Variants in MYCBP2 observed in about 807,000 individuals in gnomAD.
MYCBP2 encodes E3 ubiquitin-protein ligase MYCBP2.
Under a neutral mutation model 525.3 loss-of-function variants are expected in MYCBP2, and 120 were observed. The ratio of observed to expected loss-of-function variants is 0.23; its 90% confidence interval spans 0.20 to 0.27. The LOEUF (loss-of-function observed/expected upper bound fraction) is 0.27, where lower values mean the gene tolerates loss of function less well. Ranked by LOEUF, MYCBP2 falls within the 10% of genes least tolerant of loss-of-function variation. MYCBP2 has a pLI of 1.00. For synonymous variants in MYCBP2, 1,894 were observed against 1,955.8 expected, an observed-to-expected ratio of 0.97 and a Z score of 0.83; for missense variants, 4,149 against 5,657.1, an observed-to-expected ratio of 0.73 and a Z score of 8.55.
chr13:77,163,845 C>A (rs777372064), intron 43 of MYCBP2, among the ~76,000 whole-genome samples: 29 of 152,318 alleles, frequency 1.9e-4, no homozygotes, highest in Non-Finnish European at 4.0e-4. Context: ...CTTCTCAGAG[C>A]ATGCAAAAAT....
intron 54 of MYCBP2, among the ~76,000 whole-genome samples, chr13:77,124,270 G>A (rs1850307542): frequency 6.6e-6 from 1 of 152,118 alleles, no homozygotes; most frequent in Admixed American, 6.5e-5. Flanking sequence ...TACCTCAAAG[G>A]TGTGTTGTGG....
intron 8 of MYCBP2, 29 bp from the exon 9 acceptor site, chr13:77,264,031 CA>C (rs749831996): frequency 7.6e-6 from 12 of 1,579,272 alleles, no homozygotes; most frequent in Non-Finnish European, 1.0e-5. Flanking sequence ...ATTTATATTA[CA>C]ATACAAGCAA....
At chr13:77,187,545 T>C (rs997794394) in intron 30 of MYCBP2, among the ~76,000 whole-genome samples, 12 of 152,134 alleles carry the variant, frequency 7.9e-5, no homozygotes, top group Non-Finnish European at 1.6e-4. Flanking sequence ...GGTTCTTTGA[T>C]AGATATCAGA....
intron 21 of MYCBP2, among the ~76,000 whole-genome samples, chr13:77,212,798 A>C (rs962298402): frequency 3.3e-5 from 5 of 152,208 alleles, no homozygotes; most frequent in African/African-American, 1.2e-4. Context: ...TGGTCAGGTA[A>C]GAGTTTAATT....
chr13:77,257,475 C>G (rs1255747642), intron 14 of MYCBP2, among the ~76,000 whole-genome samples, 196 bp downstream of exon 14: 1 of 151,830 alleles, frequency 6.6e-6, no homozygotes, highest in East Asian at 1.9e-4. Flanking sequence ...CATTGTAGGC[C>G]TGTATCAAAA....
At chr13:77,070,557 A>AACAG in intron 69 of MYCBP2, 74 bp downstream of exon 69, 2 of 1,116,530 alleles carry the variant, frequency 1.8e-6, no homozygotes, top group Non-Finnish European at 2.6e-6. Flanking sequence ...ATAACAAACA[A>AACAG]ACAGACAAAC....
chr13:77,096,891 T>C (rs1009401746), intron 56 of MYCBP2, among the ~76,000 whole-genome samples: 4 of 152,156 alleles, frequency 2.6e-5, no homozygotes, highest in African/African-American at 9.6e-5. Context: ...TTGTATTAGG[T>C]GAATTTGGAA....
intron 18 of MYCBP2, among the ~76,000 whole-genome samples, chr13:77,230,520 A>G (rs1487817920): frequency 6.6e-6 from 1 of 152,216 alleles, no homozygotes; most frequent in Non-Finnish European, 1.5e-5. Context: ...ATTTTGGAAT[A>G]TTTGCATATA....
At chr13:77,229,001 A>T (rs550220454) in intron 18 of MYCBP2, among the ~76,000 whole-genome samples, 79 of 152,262 alleles carry the variant, frequency 5.2e-4, no homozygotes, top group Non-Finnish European at 4.6e-4. Context: ...ACAAATCAGC[A>T]AGGACAAAAG....
At chr13:77,080,557 G>A (rs780089304) in intron 65 of MYCBP2, 2 of 152,158 alleles carry the variant, frequency 1.3e-5, no homozygotes, top group Non-Finnish European at 2.9e-5. Flanking sequence ...TGAAACACAT[G>A]GATGAACTAG....
At chr13:77,299,729 A>G (rs1323129571) in intron 1 of MYCBP2, among the ~76,000 whole-genome samples, 1 of 152,188 alleles carries the variant, frequency 6.6e-6, no homozygotes, top group Non-Finnish European at 1.5e-5. Context: ...TATATTCTAA[A>G]TCAATCGAAG....
intron 3 of MYCBP2, among the ~76,000 whole-genome samples, chr13:77,285,781 C>T (rs1006271788): frequency 6.8e-6 from 1 of 147,006 alleles, no homozygotes; most frequent in Non-Finnish European, 1.5e-5. Context: ...AGCAAAACTC[C>T]GTGAAAGAAA....
chr13:77,212,271 C>A, intron 21 of MYCBP2, 111 bp from the exon 22 acceptor site: 2 of 857,332 alleles, frequency 2.3e-6, no homozygotes, highest in Non-Finnish European at 3.4e-6. Flanking sequence ...TATTTTTCAC[C>A]AATTGTTAGT....
intron 65 of MYCBP2, among the ~76,000 whole-genome samples, chr13:77,079,177 G>A (rs1485314343): frequency 1.3e-5 from 2 of 152,064 alleles, no homozygotes; most frequent in African/African-American, 4.8e-5. Context: ...CCTTCCTCAT[G>A]AAGCCTTTCA....
intron 2 of MYCBP2, among the ~76,000 whole-genome samples, chr13:77,291,404 T>A (rs2077454136): frequency 6.6e-6 from 1 of 152,178 alleles, no homozygotes; most frequent in Non-Finnish European, 1.5e-5. Flanking sequence ...GCAACTAGAT[T>A]GGTCATATAC....
Position 77,061,562 on chromosome 13 carries a change from C to T in MYCBP2, c.12903+100G>A, listed in dbSNP as rs192546735. On this transcript the variant is annotated intron_variant, in intron 75 of 82. Transcript: ENST00000544440. Reference sequence around the variant, plus strand: ...GTGAACTCAACCAAGGTCTTTGATTCCAAAGTCCACTTTTTCCCCCTACTA... The same window carrying T: ...GTGAACTCAACCAAGGTCTTTGATTTCAAAGTCCACTTTTTCCCCCTACTA... 288 of 1,374,764 alleles carry T rather than the reference C, an allele frequency of 2.1e-4. No individual in the cohort carries two copies. The African/African-American group carries it at 3.7e-3, about 17-fold the overall frequency. 85.2% of individuals were successfully genotyped at this position (1,374,764 alleles called of 1,614,324 possible). A position where few individuals can be genotyped will look rare whatever the true frequency, so the allele number is the denominator to read the frequency against.
rs576594395 is a variant in MYCBP2 at position 77,253,956 on chromosome 13, T to A, written c.2177-2601A>T. 3.3e-5 allele frequency among the ~76,000 whole-genome samples: 5 copies of A among 152,016 alleles called. No homozygotes were observed. The East Asian group carries it at 7.7e-4, about 23-fold the overall frequency. On this transcript the variant is annotated intron_variant, in intron 14 of 82. Coordinates refer to ENST00000544440, the MANE Select transcript of MYCBP2 (RefSeq NM_015057.5). ...AACATTTATAAAGGAGGTTTTAAAC[T>A]CATTTATAACAATGAAAAATTGGAA...
At chr13:77,140,991 G>A in intron 49 of MYCBP2, 48 bp from the exon 50 acceptor site, 1 of 1,358,188 alleles carries the variant, frequency 7.4e-7, no homozygotes, top group Admixed American at 2.1e-5. Flanking sequence ...AAAAGAGAAG[G>A]AAGATCCTTA....
chr13:77,061,419 T>C (rs1406441091), intron 75 of MYCBP2, 118 bp from the exon 76 acceptor site: 4 of 982,566 alleles, frequency 4.1e-6, no homozygotes, highest in Non-Finnish European at 5.7e-6. Context: ...CTAAGAAGTT[T>C]TGAATATTTC....
Sources: gnomAD v4.1 joint callset for allele counts (sites outside exome capture counted in the v4.1 genomes callset) on GRCh38, gnomAD v4.1.1 for gene constraint, MANE v1.5 for transcripts, NCBI Gene and HGNC (gene_info 2026-07-23, HGNC 2026-07-21) for gene names.